THUMPD2: variants seen among roughly 807,000 people sequenced by gnomAD.
The protein encoded by THUMPD2 is THUMP domain 2 tRNA and snRNA guanosine methyltransferase.
A neutral mutation model predicts 49.4 loss-of-function variants in THUMPD2; 56 were observed. That is an observed-to-expected ratio of 1.13 (90% CI 0.91 to 1.41). The LOEUF (loss-of-function observed/expected upper bound fraction) is 1.41, where lower values mean the gene tolerates loss of function less well. Ranked by LOEUF, THUMPD2 falls within the 40% of genes most tolerant of loss-of-function variation. The pLI, the probability that THUMPD2 is intolerant of heterozygous loss-of-function variation, is 0.00. For synonymous variants in THUMPD2, 237 were observed against 205.2 expected (o/e 1.15, Z -1.32); for missense variants, 709 against 594.5 (o/e 1.19, Z -2.00).
chr2:39,750,441 G>T (rs1327967551), intron 8 of THUMPD2, among the ~76,000 whole-genome samples: 1 of 152,086 alleles, frequency 6.6e-6, no homozygotes, highest in African/African-American at 2.4e-5. Flanking sequence ...CTTTTTAATG[G>T]GGTTGTTTTT....
At chr2:39,778,019 T>C (rs1283907967) in intron 1 of THUMPD2, among the ~76,000 whole-genome samples, 1 of 152,216 alleles carries the variant, frequency 6.6e-6, no homozygotes, top group Non-Finnish European at 1.5e-5. Flanking sequence ...TACTCATTCT[T>C]GATTTCCCAG....
chr2:39,764,582 G>T (rs1196109854), intron 5 of THUMPD2, among the ~76,000 whole-genome samples: 1 of 152,194 alleles, frequency 6.6e-6, no homozygotes, highest in Admixed American at 6.5e-5. Context: ...AAATTTTTAT[G>T]TGATCCTTTA....
At chr2:39,751,341 A>C (rs866358292) in intron 8 of THUMPD2, among the ~76,000 whole-genome samples, 1 of 152,244 alleles carries the variant, frequency 6.6e-6, no homozygotes, top group Non-Finnish European at 1.5e-5. Flanking sequence ...GAAACACTTG[A>C]GAACAAAGCA....
intron 8 of THUMPD2, among the ~76,000 whole-genome samples, chr2:39,747,035 A>G (rs959705553): frequency 2.0e-5 from 3 of 152,164 alleles, no homozygotes; most frequent in African/African-American, 7.2e-5. Context: ...CAGCCAATTA[A>G]TCTCTTAATG....
At chr2:39,772,461 A>G (rs1401429125) in intron 1 of THUMPD2, among the ~76,000 whole-genome samples, 1 of 152,206 alleles carries the variant, frequency 6.6e-6, no homozygotes, top group Non-Finnish European at 1.5e-5. Context: ...GAAGTAGGTT[A>G]CTAAGGTAGA....
chr2:39,738,510 G>T (rs1673446754), intron 9 of THUMPD2, among the ~76,000 whole-genome samples: 1 of 151,842 alleles, frequency 6.6e-6, no homozygotes, highest in African/African-American at 2.4e-5. Context: ...GTTGCAGTGA[G>T]CTGAGATTGC....
At chr2:39,776,069 T>G (rs939200262) in intron 1 of THUMPD2, among the ~76,000 whole-genome samples, 1 of 152,168 alleles carries the variant, frequency 6.6e-6, no homozygotes, top group Non-Finnish European at 1.5e-5. Flanking sequence ...AATTTTATCT[T>G]AAAATAACTG....
chr2:39,736,777 C>T lies in THUMPD2; in HGVS notation c.1470G>A (p.Ala490=), dbSNP rs760041439. 34 of 1,613,988 alleles carry T rather than the reference C, an allele frequency of 2.1e-5. No homozygotes were observed. The Admixed American group carries it at 3.2e-4, about 15-fold the overall frequency. ...GCGACTTCTTATATTTACATATGAACGCATCTGTCTTTCCAAGGCTAACTT... is the reference window on the plus strand; with the variant it reads ...GCGACTTCTTATATTTACATATGAATGCATCTGTCTTTCCAAGGCTAACTT... ...CYKVSLGKTD[A]FICKYKKSHS... The change falls in exon 10 of 10, where the codon GCG becomes GCA. Residue 490 remains alanine (A), a synonymous_variant. Coordinates refer to ENST00000505747, the MANE Select transcript of THUMPD2 (RefSeq NM_025264.5).
chr2:39,775,270 T>C (rs994197330), intron 1 of THUMPD2, among the ~76,000 whole-genome samples: 5 of 152,136 alleles, frequency 3.3e-5, no homozygotes, highest in Non-Finnish European at 7.4e-5. Context: ...CAGAGCCTGA[T>C]CCTGTCACGA....
intron 2 of THUMPD2, among the ~76,000 whole-genome samples, chr2:39,770,529 G>C (rs1256099137): frequency 6.6e-6 from 1 of 152,044 alleles, no homozygotes; most frequent in Non-Finnish European, 1.5e-5. Flanking sequence ...CTCAGAAACA[G>C]AGGAGCTGAA....
In THUMPD2 at chr2:39,770,020, T is replaced by C; in HGVS notation, c.362A>G (p.Lys121Arg). ...IWKNLLELDA[K>R]KEKLSQRDDN... ...ATCTCTCTGAGAAAGTTTTTCCTTT[T>C]TTGCATCAAGTTCAAGAAGATTTTT... Residue 121 changes from lysine (K) to arginine (R), a missense_variant, in exon 3 of 10, where the codon AAA (lysine) becomes AGA (arginine). By Grantham distance (26) the Lys-to-Arg change is conservative. Coordinates refer to ENST00000505747, the MANE Select transcript of THUMPD2 (RefSeq NM_025264.5). 6.3e-7 allele frequency: 1 copy of C among 1,578,786 alleles called. No individual in the cohort carries two copies. Among genetic ancestry groups the C allele is most frequent in the Non-Finnish European group, 8.5e-7 (1 of 1,170,730 alleles).
chr2:39,769,648 G>C, intron 3 of THUMPD2, 62 bp downstream of exon 3: 1 of 1,441,710 alleles, frequency 6.9e-7, no homozygotes, highest in Non-Finnish European at 9.1e-7. Context: ...GTTGCAGTGA[G>C]CCAGATTGTG....
intron 8 of THUMPD2, among the ~76,000 whole-genome samples, chr2:39,744,856 CTG>C (rs1382591068): frequency 6.6e-6 from 1 of 152,104 alleles, no homozygotes; most frequent in Non-Finnish European, 1.5e-5. Context: ...CATTTTAAAA[CTG>C]TACGTTTAGA....
At chr2:39,765,104 G>A (rs1677331087) in intron 5 of THUMPD2, among the ~76,000 whole-genome samples, 1 of 152,016 alleles carries the variant, frequency 6.6e-6, no homozygotes, top group Non-Finnish European at 1.5e-5. Context: ...TTTATTTGGT[G>A]GTAAGAATCT....
intron 6 of THUMPD2, among the ~76,000 whole-genome samples, chr2:39,756,737 A>C (rs561144311): frequency 1.3e-5 from 2 of 152,248 alleles, no homozygotes; most frequent in South Asian, 4.2e-4. Context: ...TGACAATTAT[A>C]CGGTAACAAT....
intron 6 of THUMPD2, among the ~76,000 whole-genome samples, chr2:39,759,406 C>G (rs1676537447): frequency 6.6e-6 from 1 of 151,992 alleles, no homozygotes; most frequent in Admixed American, 6.5e-5. Context: ...CTGTTCTAAT[C>G]ATTTTATTAA....
At chr2:39,739,067 G>C (rs987079170) in intron 9 of THUMPD2, among the ~76,000 whole-genome samples, 2 of 152,082 alleles carry the variant, frequency 1.3e-5, no homozygotes, top group African/African-American at 4.8e-5. Flanking sequence ...AGTTTGCCTG[G>C]ACCACAGCAA....
At chr2:39,770,159 T>A in intron 2 of THUMPD2, 40 bp from the exon 3 acceptor site, 1 of 1,364,768 alleles carries the variant, frequency 7.3e-7, no homozygotes, top group Non-Finnish European at 9.6e-7. Context: ...ATTGAAGCTT[T>A]AAAGACCATC....
At chr2:39,743,034 A>C (rs1674109380) in intron 9 of THUMPD2, among the ~76,000 whole-genome samples, 2 of 152,196 alleles carry the variant, frequency 1.3e-5, no homozygotes. Context: ...TCCCTAAAGA[A>C]GCATGGGACA....
Sources: allele counts gnomAD v4.1 joint callset (sites outside exome capture counted in the v4.1 genomes callset), GRCh38; gene constraint gnomAD v4.1.1; transcripts MANE v1.5; gene names NCBI Gene and HGNC (gene_info 2026-07-23, HGNC 2026-07-21).